The following CEP83 variants were observed in gnomAD, a reference collection of about 807,000 sequenced individuals.
CEP83 encodes centrosomal protein of 83 kDa.
Under a neutral mutation model 101.9 loss-of-function variants are expected in CEP83, and 70 were observed. The observed-to-expected ratio is 0.69, with a 90% CI of 0.57 to 0.84. CEP83 has a LOEUF of 0.84. Ranked by LOEUF, CEP83 falls within the 40% of genes least tolerant of loss-of-function variation. The pLI, the probability that CEP83 is intolerant of heterozygous loss-of-function variation, is 0.00. For missense variants in CEP83, 715 were observed against 787.2 expected, an observed-to-expected ratio of 0.91 and a Z score of 1.10; for synonymous variants, 264 against 267.9, an observed-to-expected ratio of 0.99 and a Z score of 0.14.
chr12:94,439,459 A>T (rs1012716166), intron 1 of CEP83, among the ~76,000 whole-genome samples: 2 of 152,128 alleles, frequency 1.3e-5, no homozygotes, highest in African/African-American at 2.4e-5. Context: ...GAAAAGATAC[A>T]ACCCTCCTAG....
chr12:94,407,782 T>C (rs1469151506), intron 4 of CEP83, among the ~76,000 whole-genome samples: 2 of 152,192 alleles, frequency 1.3e-5, no homozygotes, highest in African/African-American at 4.8e-5. Flanking sequence ...CATCCCATTT[T>C]AGGAAAAAAT....
At chr12:94,305,527 CCTT>C (rs1593033636), downstream of CEP83, 2 of 436,454 alleles carry the variant, frequency 4.6e-6, no homozygotes, top group East Asian at 3.8e-5. Context: ...CAAACAGCCT[CCTT>C]GTTTACAGAG....
intron 6 of CEP83, among the ~76,000 whole-genome samples, chr12:94,389,141 G>C (rs1415960380): frequency 6.6e-6 from 1 of 151,984 alleles, no homozygotes; most frequent in African/African-American, 2.4e-5. Context: ...AAGAAAGAAA[G>C]AAAATGCCAT....
At chr12:94,410,876 T>C (rs564749404) in intron 4 of CEP83, among the ~76,000 whole-genome samples, 1 of 152,198 alleles carries the variant, frequency 6.6e-6, no homozygotes, top group South Asian at 2.1e-4. Flanking sequence ...GAAAAAGTTA[T>C]TGAATGACAA....
chr12:94,289,896 G>C, the CEP83 span, among the ~76,000 whole-genome samples: 167 of 152,286 alleles, frequency 1.1e-3, no homozygotes, highest in Middle Eastern at 3.4e-3. Flanking sequence ...TTCTACACTT[G>C]CTCTTGGGAG....
chr12:94,414,066 T>A lies in CEP83; in HGVS notation c.-101-1475A>T, dbSNP rs2064100488. On this transcript the variant is annotated intron_variant, in intron 2 of 16. Transcript: ENST00000397809. ...AATCTTTAAACTATAATTGCAGTTG[T>A]TTTGGTTTCCTCTGAAATTATATTT... Among the ~76,000 whole-genome samples the A allele has an allele frequency of 2.0e-5, 3 of 152,196 alleles. No homozygotes were observed. The South Asian group carries it at 6.2e-4, about 32-fold the overall frequency.
intron 14 of CEP83, among the ~76,000 whole-genome samples, chr12:94,327,992 G>A (rs775324456): frequency 6.6e-6 from 1 of 152,124 alleles, no homozygotes; most frequent in Non-Finnish European, 1.5e-5. Context: ...GAGTAATCAT[G>A]GCTTCTATTT....
downstream of CEP83, among the ~76,000 whole-genome samples, chr12:94,304,606 A>G: frequency 6.6e-6 from 1 of 151,938 alleles, no homozygotes; most frequent in East Asian, 1.9e-4. Flanking sequence ...CCCCCCAATC[A>G]TGCTGGGACA....
At position 94,316,674 on chromosome 12, in the gene CEP83, T is replaced by C. The variant is rs184960345; in HGVS notation, c.1708-3657A>G. Among the ~76,000 whole-genome samples the C allele has an allele frequency of 2.6e-5, 4 of 152,262 alleles. No individual in the cohort carries two copies. The East Asian group carries it at 5.8e-4, about 22-fold the overall frequency. On this transcript the variant is annotated intron_variant, in intron 14 of 16. Transcript: ENST00000397809. ...CACTTATGACAATGAAAACATGCAG[T>C]ATTCGGTTTTCCTTTTTTGTGTTAG...
In CEP83 at chr12:94,424,256, C is replaced by G. The variant is rs1048257455; in HGVS notation, c.-102+11019G>C. On this transcript the variant is annotated intron_variant, in intron 2 of 16. Coordinates refer to ENST00000397809, the MANE Select transcript of CEP83 (RefSeq NM_016122.3). ...GATGCCCATGTCTCCATTCCTTGGC[C>G]AAGCCCGTCCATTTTGCACAAATAT... The G allele has an allele frequency of 5.0e-6, 8 of 1,614,060 alleles. No homozygotes were observed. In the African/African-American group the frequency reaches 6.7e-5, roughly 13 times the overall value.
the CEP83 span, among the ~76,000 whole-genome samples, chr12:94,300,184 A>C: frequency 5.3e-5 from 8 of 152,214 alleles, no homozygotes; most frequent in Non-Finnish European, 8.8e-5. Flanking sequence ...ACAGACACTA[A>C]ATGCAATATG....
At position 94,419,909 on chromosome 12, in the gene CEP83, T is replaced by C. The variant is rs531939627; in HGVS notation, c.-101-7318A>G. Among the ~76,000 whole-genome samples the C allele has an allele frequency of 4.6e-5, 7 of 152,084 alleles. No homozygotes were observed. In the East Asian group the frequency reaches 1.4e-3, roughly 29 times the overall value. ...AAAGTTGCCACAATATAGGAAAAAATATTCAGTAACTCAAGGCAGGAAAAA... is the reference window on the plus strand; with the variant it reads ...AAAGTTGCCACAATATAGGAAAAAACATTCAGTAACTCAAGGCAGGAAAAA... On this transcript the variant is annotated intron_variant, in intron 2 of 16. Coordinates refer to ENST00000397809, the MANE Select transcript of CEP83 (RefSeq NM_016122.3).
Position 94,348,508 on chromosome 12 carries a change from C to G in CEP83, c.1344-12844G>C, listed in dbSNP as rs144983126. Among the ~76,000 whole-genome samples the G allele has an allele frequency of 7.8e-3, 1,183 of 152,092 alleles. 14 individuals are homozygous for G. The highest frequency in any genetic ancestry group is 0.027 in the African/African-American group (1,130 of 41,480). The stretch of plus-strand genomic sequence containing the variant: ...TATTCTATGCAACAACAAACTATTT[C>G]TCAAGCAGATTGTGACATGCGACAA... On this transcript the variant is annotated intron_variant, in intron 11 of 16. Coordinates refer to ENST00000397809, the MANE Select transcript of CEP83 (RefSeq NM_016122.3).
At chr12:94,409,385 C>T (rs1182823873) in intron 4 of CEP83, among the ~76,000 whole-genome samples, 2 of 151,760 alleles carry the variant, frequency 1.3e-5, no homozygotes, top group East Asian at 3.9e-4. Context: ...GGGAAGTTTT[C>T]ACATGGAGGA....
At chr12:94,368,365 A>T in intron 9 of CEP83, 164 bp from the exon 10 acceptor site, 1 of 580,200 alleles carries the variant, frequency 1.7e-6, no homozygotes, top group Non-Finnish European at 2.9e-6. Context: ...CACTCTTAAA[A>T]TAAGAATGAA....
intron 8 of CEP83, among the ~76,000 whole-genome samples, chr12:94,374,594 T>C (rs1392571950): frequency 6.6e-6 from 1 of 152,172 alleles, no homozygotes; most frequent in Non-Finnish European, 1.5e-5. Flanking sequence ...ATCAAATTAT[T>C]TCCTAGTAGT....
chr12:94,312,958 C>T lies in CEP83; in HGVS notation c.1767G>A (p.Glu589=). The change falls in exon 15 of 17, where the codon GAG becomes GAA. Residue 589 remains glutamate (E), a synonymous_variant. Coordinates refer to ENST00000397809, the MANE Select transcript of CEP83 (RefSeq NM_016122.3). The part of the protein sequence containing the change: ...KRLQEKVEVL[E]AKKEELETEN... ...CTGTTTCCAATTCTTCTTTCTTTGC[C>T]TCCAAGACTTCTACTTTCTCTTGTA... is the stretch of plus-strand genomic sequence containing the variant. 1.3e-6 allele frequency: 2 copies of T among 1,594,436 alleles called. No individual in the cohort carries two copies. Among genetic ancestry groups the T allele is most frequent in the South Asian group, 1.1e-5 (1 of 89,110 alleles).
intron 2 of CEP83, chr12:94,424,813 C>T (rs960718318): frequency 6.2e-6 from 10 of 1,604,166 alleles, no homozygotes; most frequent in Non-Finnish European, 8.5e-6. Context: ...TTTTGCTCAG[C>T]TGGTCATTTC....
intron 4 of CEP83, among the ~76,000 whole-genome samples, chr12:94,408,269 T>C (rs1309695093): frequency 6.6e-6 from 1 of 152,202 alleles, no homozygotes; most frequent in Non-Finnish European, 1.5e-5. Flanking sequence ...TAATCTAAAA[T>C]AGGCCAATCT....
Sources: allele counts gnomAD v4.1 joint callset (sites outside exome capture counted in the v4.1 genomes callset), GRCh38; gene constraint gnomAD v4.1.1; transcripts MANE v1.5; gene names NCBI Gene and HGNC (gene_info 2026-07-23, HGNC 2026-07-21).